Variants in CNPY1 observed in about 807,000 individuals in gnomAD.
CNPY1 encodes protein canopy homolog 1.
In CNPY1, 14 loss-of-function variants were observed where a neutral mutation model predicts 14.4. That is an observed-to-expected ratio of 0.97 (90% CI 0.64 to 1.52). CNPY1 has a LOEUF of 1.52. Among genes scored for constraint, CNPY1 ranks in the 40% most tolerant of loss-of-function variants. The pLI is 0.00. For synonymous variants in CNPY1, 43 were observed against 46.5 expected (o/e 0.92, Z 0.31); for missense variants, 129 against 131.5 (o/e 0.98, Z 0.09).
At chr7:155,506,409 A>C (rs1279311772) in intron 4 of CNPY1, among the ~76,000 whole-genome samples, 3 of 152,230 alleles carry the variant, frequency 2.0e-5, no homozygotes, top group African/African-American at 7.2e-5. Flanking sequence ...ATTATAAATA[A>C]AATTCTGCTC....
chr7:155,538,366 C>T (rs912216035), intron 2 of CNPY1, among the ~76,000 whole-genome samples: 2 of 152,232 alleles, frequency 1.3e-5, no homozygotes, highest in African/African-American at 2.4e-5. Flanking sequence ...CCACCAACCT[C>T]ATTTTCAGAC....
chr7:155,525,423 C>T (rs1796801930), intron 2 of CNPY1, among the ~76,000 whole-genome samples: 1 of 152,206 alleles, frequency 6.6e-6, no homozygotes, highest in Non-Finnish European at 1.5e-5. Context: ...CCTGCCTCGG[C>T]CTCCCAAAGT....
At position 155,509,503 on chromosome 7, in the gene CNPY1, G is replaced by A. The variant is rs1016952268; in HGVS notation, c.100-406C>T. On this transcript the variant is annotated intron_variant, in intron 2 of 4. Coordinates refer to ENST00000636446, the MANE Select transcript of CNPY1 (RefSeq NM_001393663.1). ...GAGAGAGGAGGGGGAGAGAGACAGAGAGAGGGAAAGGAGGGAGAGACAGAG... is the reference window on the plus strand; with the variant it reads ...GAGAGAGGAGGGGGAGAGAGACAGAAAGAGGGAAAGGAGGGAGAGACAGAG... Among the ~76,000 whole-genome samples, 4 of 152,104 alleles carry A rather than the reference G, an allele frequency of 2.6e-5. No individual in the cohort carries two copies. In the South Asian group the frequency reaches 6.2e-4, roughly 24 times the overall value.
chr7:155,512,009 A>C (rs191164770), intron 2 of CNPY1, among the ~76,000 whole-genome samples: 1 of 152,100 alleles, frequency 6.6e-6, no homozygotes, highest in Non-Finnish European at 1.5e-5. Context: ...TTTCCCCCTC[A>C]AAGTGTTTTG....
At chr7:155,514,061 C>T (rs957613247) in intron 2 of CNPY1, among the ~76,000 whole-genome samples, 5 of 152,218 alleles carry the variant, frequency 3.3e-5, no homozygotes, top group African/African-American at 1.2e-4. Flanking sequence ...GTGGGCACCG[C>T]TCAGAGGGCT....
intron 2 of CNPY1, among the ~76,000 whole-genome samples, chr7:155,516,471 A>G (rs577543172): frequency 2.5e-4 from 38 of 152,306 alleles, no homozygotes; most frequent in African/African-American, 9.1e-4. Flanking sequence ...CTGGCACAGG[A>G]TGACAGCCAG....
intron 2 of CNPY1, among the ~76,000 whole-genome samples, chr7:155,514,163 C>T (rs909157041): frequency 1.3e-5 from 2 of 152,282 alleles, no homozygotes; most frequent in African/African-American, 2.4e-5. Flanking sequence ...GAGCATGATG[C>T]GAATGTGTTC....
At chr7:155,520,148 A>T (rs77778823) in intron 2 of CNPY1, among the ~76,000 whole-genome samples, 2 of 152,244 alleles carry the variant, frequency 1.3e-5, no homozygotes, top group African/African-American at 4.8e-5. Context: ...AGACAGAGAC[A>T]TCTATAAAAT....
intron 2 of CNPY1, among the ~76,000 whole-genome samples, chr7:155,523,599 C>A (rs1177806162): frequency 1.3e-5 from 2 of 152,122 alleles, no homozygotes; most frequent in Non-Finnish European, 2.9e-5. Context: ...GCCCCCAACA[C>A]CCCTGCCACC....
intron 2 of CNPY1, among the ~76,000 whole-genome samples, chr7:155,516,078 T>C (rs1217205119): frequency 6.6e-6 from 1 of 152,084 alleles, no homozygotes; most frequent in Non-Finnish European, 1.5e-5. Context: ...TGCTTTGTCT[T>C]TGTCCCTTGA....
At chr7:155,527,470 C>A (rs1364434128) in intron 2 of CNPY1, among the ~76,000 whole-genome samples, 25 of 81,546 alleles carry the variant, frequency 3.1e-4, no homozygotes, top group African/African-American at 1.1e-3. Flanking sequence ...GAGGCAAGTT[C>A]TCACTGTCAC....
At chr7:155,522,854 G>A (rs56106369) in intron 2 of CNPY1, among the ~76,000 whole-genome samples, 244 of 152,258 alleles carry the variant, frequency 1.6e-3, no homozygotes, top group African/African-American at 5.6e-3. Flanking sequence ...GACAACCAAT[G>A]TATCACTTTC....
chr7:155,503,339 C>T (rs1563084960), intron 4 of CNPY1, among the ~76,000 whole-genome samples: 1 of 152,118 alleles, frequency 6.6e-6, no homozygotes, highest in African/African-American at 2.4e-5. Context: ...GCTGTTCTTG[C>T]CCATATTCCA....
intron 2 of CNPY1, among the ~76,000 whole-genome samples, chr7:155,524,313 A>C (rs1473943349): frequency 6.6e-6 from 1 of 152,238 alleles, no homozygotes; most frequent in African/African-American, 2.4e-5. Flanking sequence ...CAAAAGAAGA[A>C]CTTTCCTGTA....
intron 2 of CNPY1, among the ~76,000 whole-genome samples, chr7:155,521,164 T>C (rs1796716468): frequency 6.6e-6 from 1 of 152,148 alleles, no homozygotes; most frequent in Admixed American, 6.6e-5. Flanking sequence ...CCCGTATTCT[T>C]CCAGGCCCAA....
At position 155,526,166 on chromosome 7, in the gene CNPY1, T is replaced by C. The variant is rs374380862; in HGVS notation, c.100-17069A>G. 2.2e-4 allele frequency among the ~76,000 whole-genome samples: 34 copies of C among 152,356 alleles called. 1 individual carries two copies. In the Middle Eastern group the frequency reaches 0.01, roughly 46 times the overall value. ...AGGTGTGAGAGAATATCTGATATCT[T>C]ATTTTTCCACAAATTCATCTTTGTA... On this transcript the variant is annotated intron_variant, in intron 2 of 4. Transcript: ENST00000636446.
intron 2 of CNPY1, among the ~76,000 whole-genome samples, chr7:155,515,580 G>A (rs982705544): frequency 2.6e-5 from 4 of 152,162 alleles, no homozygotes; most frequent in African/African-American, 9.7e-5. Flanking sequence ...CGAGAGGTGT[G>A]GAGGGTGGAG....
chr7:155,541,177 G>A (rs924223999), intron 2 of CNPY1, among the ~76,000 whole-genome samples: 6 of 152,306 alleles, frequency 3.9e-5, no homozygotes, highest in Admixed American at 1.3e-4. Flanking sequence ...ACTTTAGTGA[G>A]TGCTCCCCCG....
At chr7:155,545,342 G>C (rs1338929458) in intron 2 of CNPY1, among the ~76,000 whole-genome samples, 1 of 152,158 alleles carries the variant, frequency 6.6e-6, no homozygotes, top group Non-Finnish European at 1.5e-5. Flanking sequence ...TCCTCAGGGG[G>C]AGCCCCTCTC....
Sources: gnomAD v4.1 joint callset for allele counts (sites outside exome capture counted in the v4.1 genomes callset) on GRCh38, gnomAD v4.1.1 for gene constraint, MANE v1.5 for transcripts, NCBI Gene and HGNC (gene_info 2026-07-23, HGNC 2026-07-21) for gene names.